The following SLC35F4 variants were observed in gnomAD, a reference collection of about 807,000 sequenced individuals.
The protein encoded by SLC35F4 is chromosome 14 open reading frame 36.
SLC35F4 carries 24 observed loss-of-function variants against 44.2 expected under a neutral mutation model. That is an observed-to-expected ratio of 0.54 (90% CI 0.39 to 0.76). The LOEUF (loss-of-function observed/expected upper bound fraction) is 0.76, where lower values mean the gene tolerates loss of function less well. Among genes scored for constraint, SLC35F4 ranks in the 30% least tolerant of loss-of-function variants. The pLI, the probability that SLC35F4 is intolerant of heterozygous loss-of-function variation, is 0.00. For synonymous variants in SLC35F4, 238 were observed against 223.6 expected, an observed-to-expected ratio of 1.06 and a Z score of -0.57; for missense variants, 562 against 586.1, an observed-to-expected ratio of 0.96 and a Z score of 0.42.
intron 1 of SLC35F4, among the ~76,000 whole-genome samples, chr14:57,964,788 G>A (rs1890403944): frequency 1.3e-5 from 2 of 151,968 alleles, no homozygotes; most frequent in African/African-American, 4.8e-5. Flanking sequence ...GCATGCATTG[G>A]TGAGAGGGGG....
Position 57,673,481 on chromosome 14 carries a change from AAAGGT to A in SLC35F4, c.104-79362_104-79358del, listed in dbSNP as rs763534705. 5.0e-3 allele frequency among the ~76,000 whole-genome samples: 766 copies of A among 152,258 alleles called. 3 individuals carry two copies. Among genetic ancestry groups the A allele is most frequent in the Non-Finnish European group, 7.4e-3 (503 of 68,038 alleles). On this transcript the variant is annotated intron_variant, in intron 1 of 7. Coordinates refer to ENST00000556826, the MANE Select transcript of SLC35F4 (RefSeq NM_001306087.2). ...CTTTCATAGGGTCCAGGTATGCATT[AAAGGT>A]GATATGCATATGTAATAAGATGGAG... is the stretch of plus-strand genomic sequence containing the variant.
chr14:57,598,244 A>T (rs1478418922), intron 1 of SLC35F4, among the ~76,000 whole-genome samples: 2 of 152,204 alleles, frequency 1.3e-5, no homozygotes, highest in South Asian at 2.1e-4. Context: ...TACACTTTCA[A>T]TCTCACAGCT....
intron 4 of SLC35F4, among the ~76,000 whole-genome samples, chr14:57,577,215 C>CA (rs751892128): frequency 2.2e-4 from 34 of 152,290 alleles, no homozygotes; most frequent in East Asian, 7.7e-4. Flanking sequence ...TTTTAGCCTT[C>CA]AGGGGCCCAA....
chr14:57,885,728 TC>T (rs1323600581), intron 1 of SLC35F4, among the ~76,000 whole-genome samples: 2 of 152,236 alleles, frequency 1.3e-5, no homozygotes, highest in African/African-American at 2.4e-5. Context: ...TTTTTTATCA[TC>T]ACAGAATGTT....
chr14:57,790,174 A>G (rs1793673589), intron 1 of SLC35F4, among the ~76,000 whole-genome samples: 1 of 152,140 alleles, frequency 6.6e-6, no homozygotes, highest in South Asian at 2.1e-4. Flanking sequence ...GAAAAATGGT[A>G]TTCACATAGG....
At chr14:57,745,977 G>C (rs150911667) in intron 1 of SLC35F4, among the ~76,000 whole-genome samples, 4 of 151,668 alleles carry the variant, frequency 2.6e-5, no homozygotes, top group Non-Finnish European at 5.9e-5. Context: ...GCAAACTATC[G>C]CAAGGACAAA....
At chr14:57,660,095 C>G (rs1427948728) in intron 1 of SLC35F4, among the ~76,000 whole-genome samples, 1 of 152,168 alleles carries the variant, frequency 6.6e-6, no homozygotes, top group East Asian at 1.9e-4. Flanking sequence ...GTTTGACTTG[C>G]ATATCTATTT....
At chr14:57,976,493 AT>A (rs984742204), downstream of SLC35F4, among the ~76,000 whole-genome samples, 61 of 152,358 alleles carry the variant, frequency 4.0e-4, no homozygotes, top group African/African-American at 1.4e-3. Flanking sequence ...CCTAGCCAAG[AT>A]AATAAATCAG....
chr14:57,578,027 A>G (rs1022611371), intron 4 of SLC35F4, among the ~76,000 whole-genome samples: 1 of 152,216 alleles, frequency 6.6e-6, no homozygotes, highest in African/African-American at 2.4e-5. Context: ...TTCATAATAC[A>G]TAATTCATTT....
chr14:57,912,978 T>C (rs990539453), intron 1 of SLC35F4, among the ~76,000 whole-genome samples: 1 of 152,102 alleles, frequency 6.6e-6, no homozygotes, highest in Non-Finnish European at 1.5e-5. Flanking sequence ...AGGATTGTTA[T>C]GTCTTTTTTG....
intron 1 of SLC35F4, among the ~76,000 whole-genome samples, chr14:57,878,907 C>G (rs1390818948): frequency 2.0e-5 from 3 of 152,040 alleles, no homozygotes; most frequent in Non-Finnish European, 4.4e-5. Flanking sequence ...ATCTATTTAC[C>G]TTCTTTAAGA....
intron 1 of SLC35F4, among the ~76,000 whole-genome samples, chr14:57,814,340 T>C (rs1412774875): frequency 6.6e-6 from 1 of 152,238 alleles, no homozygotes; most frequent in East Asian, 1.9e-4. Context: ...CATCAGTTTC[T>C]CTGCTCTAAG....
At chr14:57,884,823 C>T (rs1469022674) in intron 1 of SLC35F4, among the ~76,000 whole-genome samples, 1 of 152,004 alleles carries the variant, frequency 6.6e-6, no homozygotes, top group Admixed American at 6.6e-5. Flanking sequence ...CCATTGACTC[C>T]CCAGTTTCAT....
chr14:57,883,139 A>C (rs1271296601), intron 1 of SLC35F4, among the ~76,000 whole-genome samples: 1 of 152,160 alleles, frequency 6.6e-6, no homozygotes, highest in Non-Finnish European at 1.5e-5. Flanking sequence ...GAACAGACCC[A>C]GACCAAAGCT....
intron 1 of SLC35F4, among the ~76,000 whole-genome samples, chr14:57,622,052 A>G (rs1234674839): frequency 6.7e-6 from 1 of 150,108 alleles, no homozygotes; most frequent in Admixed American, 6.7e-5. Flanking sequence ...ATGCAGCCAA[A>G]AAACACATGA....
chr14:57,833,720 T>A (rs1884623382), intron 1 of SLC35F4, among the ~76,000 whole-genome samples: 1 of 152,256 alleles, frequency 6.6e-6, no homozygotes, highest in Non-Finnish European at 1.5e-5. Context: ...CCGTTGGCTT[T>A]CCAATTTGGA....
At chr14:57,812,718 A>AG (rs1555391854) in intron 1 of SLC35F4, among the ~76,000 whole-genome samples, 1 of 152,216 alleles carries the variant, frequency 6.6e-6, no homozygotes, top group African/African-American at 2.4e-5. Context: ...GAAAAAAAAA[A>AG]GCATCTGTTA....
chr14:57,670,179 C>T (rs1375480830), intron 1 of SLC35F4, among the ~76,000 whole-genome samples: 4 of 152,200 alleles, frequency 2.6e-5, no homozygotes, highest in African/African-American at 9.6e-5. Flanking sequence ...TGGTGATATT[C>T]ACTTTATCAT....
At chr14:57,581,883 T>C (rs763131548) in intron 3 of SLC35F4, among the ~76,000 whole-genome samples, 4 of 150,542 alleles carry the variant, frequency 2.7e-5, no homozygotes, top group Non-Finnish European at 6.0e-5. Context: ...GCAGCACACA[T>C]GTTTTTGGAT....
Sources: gnomAD v4.1 joint callset for allele counts (sites outside exome capture counted in the v4.1 genomes callset) on GRCh38, gnomAD v4.1.1 for gene constraint, MANE v1.5 for transcripts, NCBI Gene and HGNC (gene_info 2026-07-23, HGNC 2026-07-21) for gene names.